XKR9: variants seen among roughly 807,000 people sequenced by gnomAD.
The protein encoded by XKR9 is XK-related protein 9.
In XKR9, 32 loss-of-function variants were observed where a neutral mutation model predicts 32.0. The observed-to-expected ratio is 1.00, with a 90% CI of 0.76 to 1.34. The LOEUF (loss-of-function observed/expected upper bound fraction) is 1.34. Among genes scored for constraint, XKR9 ranks in the 40% most tolerant of loss-of-function variants. XKR9 has a pLI of 0.00. For missense variants in XKR9, 546 were observed against 429.7 expected, an observed-to-expected ratio of 1.27 and a Z score of -2.39; for synonymous variants, 168 against 143.4, an observed-to-expected ratio of 1.17 and a Z score of -1.22.
chr8:70,912,389 T>A, the XKR9 span, among the ~76,000 whole-genome samples: 3 of 151,958 alleles, frequency 2.0e-5, no homozygotes, highest in Non-Finnish European at 4.4e-5. Context: ...CTGGTGAGAA[T>A]GAAGAGGAGG....
At chr8:70,819,347 T>C in the XKR9 span, among the ~76,000 whole-genome samples, 1 of 152,222 alleles carries the variant, frequency 6.6e-6, no homozygotes, top group African/African-American at 2.4e-5. Flanking sequence ...TTTAGGAAAA[T>C]TGCGTAAAAG....
chr8:70,808,635 C>T, the XKR9 span, among the ~76,000 whole-genome samples: 1 of 152,232 alleles, frequency 6.6e-6, no homozygotes, highest in African/African-American at 2.4e-5. Context: ...GCAAATGGCA[C>T]ACCAGGAAAT....
chr8:70,759,606 A>G (rs940071823), intron 2 of XKR9, among the ~76,000 whole-genome samples: 2 of 152,178 alleles, frequency 1.3e-5, no homozygotes, highest in African/African-American at 4.8e-5. Context: ...GGTTAAATTA[A>G]AGATAATAAG....
chr8:70,758,429 G>A (rs948588219), intron 2 of XKR9, among the ~76,000 whole-genome samples: 1 of 152,146 alleles, frequency 6.6e-6, no homozygotes, highest in Non-Finnish European at 1.5e-5. Flanking sequence ...AAAAGTTTCT[G>A]AGGTCAATGT....
At chr8:70,757,548 CATGTATGTATGT>C (rs57117853) in intron 2 of XKR9, among the ~76,000 whole-genome samples, 46,785 of 150,224 alleles carry the variant, frequency 0.31, 8,456 homozygotes, top group Non-Finnish European at 0.42. Context: ...CTTCTTTCAT[CATGTATGTATGT>C]ATGTATGTAT....
the XKR9 span, among the ~76,000 whole-genome samples, chr8:71,013,895 G>T: frequency 6.6e-6 from 1 of 152,082 alleles, no homozygotes; most frequent in Non-Finnish European, 1.5e-5. Flanking sequence ...GGAGTGTGCT[G>T]CCTCATGTGT....
intron 2 of XKR9, among the ~76,000 whole-genome samples, chr8:70,773,581 A>G (rs1409910064): frequency 6.6e-6 from 1 of 152,160 alleles, no homozygotes; most frequent in African/African-American, 2.4e-5. Flanking sequence ...ATCTTTTATG[A>G]TGTGTATGGA....
chr8:70,669,822 A>G (rs1470634573), intron 1 of XKR9, among the ~76,000 whole-genome samples: 1 of 151,720 alleles, frequency 6.6e-6, no homozygotes, highest in Non-Finnish European at 1.5e-5. Context: ...GTCCGCCACC[A>G]CGCCCGGCTA....
the XKR9 span, among the ~76,000 whole-genome samples, chr8:71,022,737 C>A: frequency 1.7e-4 from 26 of 152,204 alleles, no homozygotes; most frequent in Admixed American, 3.9e-4. Flanking sequence ...TTCTTTTCAC[C>A]CCACATTAGA....
chr8:70,998,692 T>C, the XKR9 span, among the ~76,000 whole-genome samples: 1 of 152,182 alleles, frequency 6.6e-6, no homozygotes, highest in Non-Finnish European at 1.5e-5. Flanking sequence ...CCACATGCAG[T>C]GATTGTGCTT....
At chr8:70,929,328 T>A in the XKR9 span, among the ~76,000 whole-genome samples, 2 of 152,230 alleles carry the variant, frequency 1.3e-5, no homozygotes, top group African/African-American at 4.8e-5. Flanking sequence ...AAATACCTTA[T>A]GCAACTGTGT....
At chr8:70,738,859 T>C (rs1806911567), downstream of XKR9, among the ~76,000 whole-genome samples, 2 of 152,234 alleles carry the variant, frequency 1.3e-5, no homozygotes, top group Non-Finnish European at 2.9e-5. Context: ...TTCTGGTGTT[T>C]TACATTTGCT....
chr8:70,816,903 C>CT, the XKR9 span, among the ~76,000 whole-genome samples: 1 of 152,188 alleles, frequency 6.6e-6, no homozygotes, highest in African/African-American at 2.4e-5. Flanking sequence ...GCAGAAAAAG[C>CT]TTTTAATAAA....
At chr8:70,885,247 G>T in the XKR9 span, among the ~76,000 whole-genome samples, 2 of 151,798 alleles carry the variant, frequency 1.3e-5, no homozygotes, top group Non-Finnish European at 2.9e-5. Context: ...AAACTTGGTT[G>T]GTTCATTCCT....
chr8:70,813,505 A>G, the XKR9 span, among the ~76,000 whole-genome samples: 3 of 152,318 alleles, frequency 2.0e-5, no homozygotes, highest in East Asian at 1.9e-4. Flanking sequence ...TGAACAGGCA[A>G]CCTACAAAAT....
At chr8:70,940,754 A>G in the XKR9 span, among the ~76,000 whole-genome samples, 1 of 152,092 alleles carries the variant, frequency 6.6e-6, no homozygotes, top group African/African-American at 2.4e-5. Context: ...GATCATACAC[A>G]TAACATCTTC....
intron 2 of XKR9, 149 bp downstream of exon 2, chr8:70,675,048 G>A (rs1351352128): frequency 6.6e-6 from 1 of 152,198 alleles, no homozygotes; most frequent in African/African-American, 2.4e-5. Flanking sequence ...CACATAGCTA[G>A]GTTGATATTT....
chr8:70,917,157 T>A, the XKR9 span, among the ~76,000 whole-genome samples: 8 of 152,142 alleles, frequency 5.3e-5, no homozygotes, highest in Non-Finnish European at 1.0e-4. Flanking sequence ...CAGGGCTTTT[T>A]CCTCCTCTTT....
chr8:70,768,816 A>G (rs1472822770), intron 2 of XKR9, among the ~76,000 whole-genome samples: 3 of 150,656 alleles, frequency 2.0e-5, no homozygotes, highest in African/African-American at 7.3e-5. Flanking sequence ...TTTTGAGCCT[A>G]TATGTGTCTT....
Sources: gnomAD v4.1 joint callset for allele counts (sites outside exome capture counted in the v4.1 genomes callset) on GRCh38, gnomAD v4.1.1 for gene constraint, MANE v1.5 for transcripts, NCBI Gene and HGNC (gene_info 2026-07-23, HGNC 2026-07-21) for gene names.